The following PRRX1 variants were observed in gnomAD, a reference collection of about 807,000 sequenced individuals.
PRRX1 encodes paired related homeobox 1.
Under a neutral mutation model 24.0 loss-of-function variants are expected in PRRX1, and 8 were observed. That is an observed-to-expected ratio of 0.33 (90% CI 0.20 to 0.60). The LOEUF is 0.60. Among genes scored for constraint, PRRX1 ranks in the 20% least tolerant of loss-of-function variants. The pLI, the probability that PRRX1 is intolerant of heterozygous loss-of-function variation, is 0.82. For synonymous variants in PRRX1, 160 were observed against 131.7 expected (o/e 1.22, Z -1.47); for missense variants, 281 against 322.4 (o/e 0.87, Z 0.98).
chr1:170,724,210 T>C (rs1328036340), intron 2 of PRRX1, among the ~76,000 whole-genome samples: 2 of 152,208 alleles, frequency 1.3e-5, no homozygotes, highest in Admixed American at 1.3e-4. Context: ...ATGGATAGAT[T>C]ACAAAAATCT....
At chr1:170,729,367 G>A (rs1423563873) in intron 3 of PRRX1, among the ~76,000 whole-genome samples, 3 of 152,160 alleles carry the variant, frequency 2.0e-5, no homozygotes, top group Admixed American at 6.6e-5. Flanking sequence ...GACAGTGAGC[G>A]ACAGTTTTGC....
rs753172523 is a variant in PRRX1, at chr1:170,730,322, C to CG, written c.599+3923dup. On this transcript the variant is annotated intron_variant, in intron 3 of 3. Transcript: ENST00000239461. ...GTTGTTTACACGAGGGGCTTCATAACGGATTCTAACGGAAGACACTGAAAA... is the reference window on the plus strand; with the variant it reads ...GTTGTTTACACGAGGGGCTTCATAACGGGATTCTAACGGAAGACACTGAAAA... 2.5e-6 allele frequency: 4 copies of CG among 1,611,560 alleles called. No individual in the cohort carries two copies. The South Asian group carries it at 3.3e-5, about 13-fold the overall frequency.
At chr1:170,693,644 A>C (rs990690208) in intron 1 of PRRX1, among the ~76,000 whole-genome samples, 38 of 152,124 alleles carry the variant, frequency 2.5e-4, no homozygotes, top group African/African-American at 8.9e-4. Flanking sequence ...TAAAAGAAAA[A>C]CTATTAGAAA....
chr1:170,664,125 TTCCCCA>T (rs1652824988), exon 1 of PRRX1: 4 of 892,088 alleles, frequency 4.5e-6, no homozygotes, highest in African/African-American at 2.7e-5. Flanking sequence ...CCCCTCTTTC[TTCCCCA>T]CTCGGCTCCT....
chr1:170,739,317 T>A lies in PRRX1; in HGVS notation c.*3131T>A, dbSNP rs1486959312. 1.1e-5 allele frequency: 2 copies of A among 182,194 alleles called. No homozygotes were observed. The highest frequency in any genetic ancestry group is 1.8e-4 in the East Asian group (2 of 11,030). The allele number at this position is 182,194 out of a possible 1,614,324, so 11.3% of individuals were successfully genotyped here. A position where few individuals can be genotyped will look rare whatever the true frequency, so the allele number is the denominator to read the frequency against. ...CATAAGAAATGTAATATGTAAATTA[T>A]ATCTTGCTTTATGTTGTAAAATATA... On this transcript the variant is annotated 3_prime_UTR_variant, in exon 4 of 4. Transcript: ENST00000239461.
At chr1:170,694,079 T>C (rs1654079339) in intron 1 of PRRX1, among the ~76,000 whole-genome samples, 1 of 152,236 alleles carries the variant, frequency 6.6e-6, no homozygotes, top group South Asian at 2.1e-4. Context: ...CCACATACTT[T>C]GGTTTCCAGG....
chr1:170,678,768 A>G (rs1317371861), intron 1 of PRRX1, among the ~76,000 whole-genome samples: 1 of 152,128 alleles, frequency 6.6e-6, no homozygotes, highest in African/African-American at 2.4e-5. Context: ...TTCATGTCTA[A>G]TAATTTAGAG....
At chr1:170,694,305 C>A (rs1181437927) in intron 1 of PRRX1, among the ~76,000 whole-genome samples, 1 of 152,088 alleles carries the variant, frequency 6.6e-6, no homozygotes, top group African/African-American at 2.4e-5. Flanking sequence ...TCAAACCAAA[C>A]CTATTCTGGG....
In PRRX1 at chr1:170,692,521, GT is replaced by G. The variant is rs765534362; in HGVS notation, c.242-27193del. On this transcript the variant is annotated intron_variant, in intron 1 of 3. Coordinates refer to ENST00000239461, the MANE Select transcript of PRRX1 (RefSeq NM_022716.4). ...GTGTATTTGATGAAAAGTTAAAGCT[GT>G]TTTTTTTTTTTAAATTCAGGCCACT... Among the ~76,000 whole-genome samples, 460 of 121,120 alleles carry G rather than the reference GT, an allele frequency of 3.8e-3. 4 individuals are homozygous for G. Among genetic ancestry groups the G allele is most frequent in the African/African-American group, 0.011 (365 of 32,548 alleles). 79.5% of individuals were successfully genotyped at this position (121,120 alleles called of 152,430 possible). A position where few individuals can be genotyped will look rare whatever the true frequency, so the allele number is the denominator to read the frequency against.
At chr1:170,734,072 T>C (rs1334466432) in intron 3 of PRRX1, among the ~76,000 whole-genome samples, 2 of 152,092 alleles carry the variant, frequency 1.3e-5, no homozygotes, top group African/African-American at 4.8e-5. Flanking sequence ...ACTTGTTCAG[T>C]TTTTATTGTG....
At chr1:170,708,543 A>G (rs533366101) in intron 1 of PRRX1, among the ~76,000 whole-genome samples, 5 of 152,348 alleles carry the variant, frequency 3.3e-5, no homozygotes, top group Admixed American at 2.0e-4. Context: ...ACTAACTAGA[A>G]GAAAATACAA....
chr1:170,675,256 G>A (rs1250895295), intron 1 of PRRX1, among the ~76,000 whole-genome samples: 2 of 152,102 alleles, frequency 1.3e-5, no homozygotes, highest in African/African-American at 2.4e-5. Context: ...CCCTAGATAT[G>A]AGCACATGTC....
intron 1 of PRRX1, among the ~76,000 whole-genome samples, chr1:170,681,505 A>AAAC (rs56117775): frequency 6.6e-6 from 1 of 151,670 alleles, no homozygotes; most frequent in Non-Finnish European, 1.5e-5. Flanking sequence ...AAAAAAAAAA[A>AAAC]CCCTCTTAAT....
At chr1:170,670,142 G>T (rs991205309) in intron 1 of PRRX1, among the ~76,000 whole-genome samples, 1 of 152,192 alleles carries the variant, frequency 6.6e-6, no homozygotes, top group Non-Finnish European at 1.5e-5. Context: ...GCCTGTGAGT[G>T]TACACCGTTG....
At chr1:170,664,529 T>G (rs1652848308) in intron 1 of PRRX1, 70 bp downstream of exon 1, 2 of 1,522,812 alleles carry the variant, frequency 1.3e-6, no homozygotes, top group South Asian at 1.2e-5. Flanking sequence ...GTAGGGCAGC[T>G]AGAGCCCGTC....
intron 2 of PRRX1, among the ~76,000 whole-genome samples, chr1:170,725,705 T>C (rs2101921936): frequency 6.6e-6 from 1 of 152,326 alleles, no homozygotes; most frequent in Middle Eastern, 3.4e-3. Context: ...CAAATGGTGG[T>C]CTTTGCACCT....
intron 1 of PRRX1, among the ~76,000 whole-genome samples, chr1:170,682,942 G>A (rs1400665317): frequency 6.6e-6 from 1 of 152,210 alleles, no homozygotes; most frequent in Non-Finnish European, 1.5e-5. Context: ...AAGGCCCTGA[G>A]GCAGGAACAA....
intron 1 of PRRX1, among the ~76,000 whole-genome samples, chr1:170,702,274 C>A (rs1361825100): frequency 6.6e-6 from 1 of 152,152 alleles, no homozygotes; most frequent in Non-Finnish European, 1.5e-5. Flanking sequence ...GTCCATGGCT[C>A]TGGGGGTTGG....
intron 1 of PRRX1, among the ~76,000 whole-genome samples, chr1:170,695,426 C>T (rs919302238): frequency 2.0e-5 from 3 of 152,098 alleles, no homozygotes; most frequent in Non-Finnish European, 4.4e-5. Flanking sequence ...TTACCAAAAC[C>T]TTTTTAGAAC....
Sources: gnomAD v4.1 joint callset for allele counts (sites outside exome capture counted in the v4.1 genomes callset) on GRCh38, gnomAD v4.1.1 for gene constraint, MANE v1.5 for transcripts, NCBI Gene and HGNC (gene_info 2026-07-23, HGNC 2026-07-21) for gene names.